BOLA3: variants seen among roughly 807,000 people sequenced by gnomAD.
The protein encoded by BOLA3 is bolA-like protein 3.
Under a neutral mutation model 14.5 loss-of-function variants are expected in BOLA3, and 8 were observed. That is an observed-to-expected ratio of 0.55 (90% CI 0.32 to 0.99). BOLA3 has a LOEUF of 0.99. BOLA3 is among the 50% of genes least tolerant of loss of function. The pLI is 0.04. For synonymous variants in BOLA3, 42 were observed against 45.7 expected, an observed-to-expected ratio of 0.92 and a Z score of 0.33; for missense variants, 115 against 138.2, an observed-to-expected ratio of 0.83 and a Z score of 0.84.
intron 1 of BOLA3, 53 bp from the exon 2 acceptor site, chr2:74,145,356 G>A: frequency 8.9e-7 from 1 of 1,118,538 alleles, no homozygotes; most frequent in Admixed American, 1.7e-5. Context: ...TGTTGCCCCT[G>A]AGCTGGGCCA....
chr2:74,140,990 A>C (rs1692427962), intron 3 of BOLA3, among the ~76,000 whole-genome samples: 1 of 152,186 alleles, frequency 6.6e-6, no homozygotes, highest in Admixed American at 6.5e-5. Context: ...CAAGGGACAC[A>C]CTCAAATTAC....
At chr2:74,137,203 G>A (rs1014267121) in intron 3 of BOLA3, among the ~76,000 whole-genome samples, 3 of 152,210 alleles carry the variant, frequency 2.0e-5, no homozygotes, top group African/African-American at 7.2e-5. Context: ...CCTATGATTG[G>A]ACCGAGGTGG....
chr2:74,142,952 T>C (rs1249161086), intron 2 of BOLA3, among the ~76,000 whole-genome samples: 1 of 152,184 alleles, frequency 6.6e-6, no homozygotes, highest in African/African-American at 2.4e-5. Context: ...GGAGAACTTT[T>C]TGGTGAAGCC....
chr2:74,136,030 A>G (rs532546607), intron 3 of BOLA3, among the ~76,000 whole-genome samples: 14 of 151,878 alleles, frequency 9.2e-5, no homozygotes, highest in South Asian at 8.3e-4. Flanking sequence ...GCTTACTGCA[A>G]ACTCCACCTC....
chr2:74,147,694 GC>G (rs1299666226), intron 1 of BOLA3, 126 bp downstream of exon 1: 8 of 781,356 alleles, frequency 1.0e-5, no homozygotes, highest in African/African-American at 5.2e-5. Flanking sequence ...AGGAAGAGGA[GC>G]CCCCCATTGC....
chr2:74,147,449 C>T, intron 1 of BOLA3: 1 of 307,208 alleles, frequency 3.3e-6, no homozygotes, highest in Non-Finnish European at 6.1e-6. Flanking sequence ...GGCCCCGGCC[C>T]CGCTGCAGTC....
intron 3 of BOLA3, among the ~76,000 whole-genome samples, chr2:74,137,239 G>C (rs569378555): frequency 7.4e-4 from 113 of 152,338 alleles, no homozygotes; most frequent in Admixed American, 1.7e-3. Flanking sequence ...GGGCCACTTA[G>C]AATCTCCCTT....
intron 3 of BOLA3, 119 bp downstream of exon 3, chr2:74,142,153 G>A (rs537341493): frequency 2.6e-4 from 193 of 755,610 alleles, no homozygotes; most frequent in Middle Eastern, 1.8e-3. Context: ...GTCCTGTTTC[G>A]TGATTGCAGT....
At chr2:74,144,237 G>A (rs894791948) in intron 2 of BOLA3, among the ~76,000 whole-genome samples, 13 of 151,382 alleles carry the variant, frequency 8.6e-5, no homozygotes, top group Admixed American at 8.5e-4. Flanking sequence ...TTGAACTCCT[G>A]ACCTCGTGAT....
intron 3 of BOLA3, among the ~76,000 whole-genome samples, chr2:74,137,426 C>A (rs1165459203): frequency 6.6e-6 from 1 of 152,100 alleles, no homozygotes; most frequent in East Asian, 1.9e-4. Context: ...CTAGATATGC[C>A]AGAAACCAGA....
intron 2 of BOLA3, 138 bp downstream of exon 2, chr2:74,145,051 C>T (rs1572943953): frequency 2.9e-6 from 2 of 693,062 alleles, no homozygotes; most frequent in East Asian, 5.5e-5. Context: ...GGCAGCCGAG[C>T]TCCACCTGTC....
intron 2 of BOLA3, among the ~76,000 whole-genome samples, chr2:74,143,235 A>G (rs2103651800): frequency 6.6e-6 from 1 of 151,908 alleles, no homozygotes; most frequent in East Asian, 1.9e-4. Flanking sequence ...GGCTCACTGC[A>G]AGCTCCGCCT....
chr2:74,135,577 T>C lies in BOLA3; in HGVS notation c.*16A>G. On this transcript the variant is annotated 3_prime_UTR_variant, in exon 4 of 4. Coordinates refer to ENST00000327428, the MANE Select transcript of BOLA3 (RefSeq NM_212552.3). ...CCAAGGTCTTAAGCAGCAGCATCTA[T>C]GCAGCCAGGGCGTGGTCAGCGTTTG... 1.2e-6 allele frequency: 2 copies of C among 1,613,970 alleles called. No homozygotes were observed. Among genetic ancestry groups the C allele is most frequent in the South Asian group, 1.1e-5 (1 of 91,078 alleles).
chr2:74,135,572 A>G lies in BOLA3; in HGVS notation c.*21T>C, dbSNP rs758410967. 1.1e-5 allele frequency: 18 copies of G among 1,613,858 alleles called. No homozygotes were observed. In the East Asian group the frequency reaches 4.0e-4, roughly 36 times the overall value. ...TTCATCCAAGGTCTTAAGCAGCAGC[A>G]TCTATGCAGCCAGGGCGTGGTCAGC... is the stretch of plus-strand genomic sequence containing the variant. On this transcript the variant is annotated 3_prime_UTR_variant, in exon 4 of 4. Transcript: ENST00000327428.
At position 74,135,656 on chromosome 2, in the gene BOLA3, T is replaced by C; in HGVS notation, c.261A>G (p.Ala87=). 1.9e-6 allele frequency: 3 copies of C among 1,609,872 alleles called. No individual in the cohort carries two copies. The highest frequency in any genetic ancestry group is 2.6e-6 in the Non-Finnish European group (3 of 1,176,166). ...GCATCTCTTTGATTTCTTCTTTTAG[T>C]GCCTAAGTAAGAAAACAGCATCATC... ...TVQQHQMVNQ[A]LKEEIKEMHG... Residue 87 remains alanine (A), a splice_region_variant and synonymous_variant, in exon 4 of 4, where the codon GCA becomes GCG. Coordinates refer to ENST00000327428, the MANE Select transcript of BOLA3 (RefSeq NM_212552.3).
chr2:74,143,615 C>T (rs184632948), intron 2 of BOLA3, among the ~76,000 whole-genome samples: 1 of 152,306 alleles, frequency 6.6e-6, no homozygotes, highest in Admixed American at 6.5e-5. Context: ...AGTTCAGGAC[C>T]TGGTAACATC....
At chr2:74,147,159 T>C (rs1323891574) in intron 1 of BOLA3, 1 of 152,532 alleles carries the variant, frequency 6.6e-6, no homozygotes. Context: ...CAGCGGCCTT[T>C]AGTGGAACAA....
chr2:74,136,942 G>T (rs1692342667), intron 3 of BOLA3, among the ~76,000 whole-genome samples: 1 of 152,192 alleles, frequency 6.6e-6, no homozygotes, highest in Admixed American at 6.5e-5. Context: ...TGTAGTGCTG[G>T]GAGAAAGTGA....
intron 3 of BOLA3, among the ~76,000 whole-genome samples, chr2:74,140,179 G>A (rs190033889): frequency 0.017 from 2,639 of 152,196 alleles, 93 homozygotes; most frequent in African/African-American, 0.06. Context: ...AGCTACTTGG[G>A]AGGCTGAGGC....
Sources: allele counts gnomAD v4.1 joint callset (sites outside exome capture counted in the v4.1 genomes callset), GRCh38; gene constraint gnomAD v4.1.1; transcripts MANE v1.5; gene names NCBI Gene and HGNC (gene_info 2026-07-23, HGNC 2026-07-21).